Variants in GDA observed in about 807,000 individuals in gnomAD.
GDA encodes cytoplasmic PSD-95 interactor.
Under a neutral mutation model 59.6 loss-of-function variants are expected in GDA, and 18 were observed. The observed-to-expected ratio is 0.30, with a 90% CI of 0.21 to 0.45. The LOEUF is 0.45. Ranked by LOEUF, GDA falls within the 20% of genes least tolerant of loss-of-function variation. The pLI is 1.00. For missense variants in GDA, 427 were observed against 552.3 expected, an observed-to-expected ratio of 0.77 and a Z score of 2.27; for synonymous variants, 201 against 201.1, an observed-to-expected ratio of 1.00 and a Z score of 0.00.
chr9:72,226,523 A>G (rs1256650620), intron 8 of GDA, among the ~76,000 whole-genome samples: 1 of 152,194 alleles, frequency 6.6e-6, no homozygotes, highest in Non-Finnish European at 1.5e-5. Flanking sequence ...TTACTCCTAT[A>G]ATTAAAATTA....
upstream of GDA, among the ~76,000 whole-genome samples, chr9:72,148,252 G>A (rs1007029476): frequency 2.6e-5 from 4 of 151,746 alleles, no homozygotes; most frequent in African/African-American, 9.7e-5. Context: ...CACCGGCATT[G>A]TTCTAGGCAT....
At chr9:72,218,413 A>G (rs1363167010) in intron 5 of GDA, among the ~76,000 whole-genome samples, 1 of 152,184 alleles carries the variant, frequency 6.6e-6, no homozygotes, top group East Asian at 1.9e-4. Flanking sequence ...AGAGAGGAGG[A>G]AGTACCCGCC....
intron 4 of GDA, among the ~76,000 whole-genome samples, 186 bp from the exon 5 acceptor site, chr9:72,213,700 G>A (rs1242003191): frequency 6.6e-6 from 1 of 151,872 alleles, no homozygotes; most frequent in Non-Finnish European, 1.5e-5. Context: ...CTACTCGGGA[G>A]GCTGAGGCAG....
At chr9:72,198,845 G>GTATATATATATATATATA (rs1833544642) in intron 2 of GDA, among the ~76,000 whole-genome samples, 8 of 83,972 alleles carry the variant, frequency 9.5e-5, no homozygotes, top group Non-Finnish European at 1.7e-4. Flanking sequence ...ATATATAGGG[G>GTATATATATATATATATA]GATATATATA....
Position 72,250,011 on chromosome 9 carries a change from G to A in GDA, c.*1669G>A. ...TTTTATTTTTTTAATAAACAACAGAGTTTGTTTTGTGAGATAAGTATCTTA... is the reference window on the plus strand; with the variant it reads ...TTTTATTTTTTTAATAAACAACAGAATTTGTTTTGTGAGATAAGTATCTTA... On this transcript the variant is annotated 3_prime_UTR_variant, in exon 14 of 14. Coordinates refer to ENST00000358399, the MANE Select transcript of GDA (RefSeq NM_004293.5). 1.0e-6 allele frequency: 1 copy of A among 955,486 alleles called. No individual in the cohort carries two copies. The highest frequency in any genetic ancestry group is 1.2e-6 in the Non-Finnish European group (1 of 802,720). 59.2% of individuals were successfully genotyped at this position (955,486 alleles called of 1,614,324 possible).
intron 2 of GDA, 115 bp from the exon 3 acceptor site, chr9:72,202,456 C>G: frequency 1.5e-6 from 1 of 670,850 alleles, no homozygotes; most frequent in Non-Finnish European, 2.6e-6. Flanking sequence ...ATTGCATTAC[C>G]TATAAACCTG....
chr9:72,173,299 C>T (rs1014091383), intron 1 of GDA, among the ~76,000 whole-genome samples: 1 of 151,938 alleles, frequency 6.6e-6, no homozygotes, highest in African/African-American at 2.4e-5. Context: ...GATCACATTG[C>T]CTTCTTCTGG....
chr9:72,131,266 G>C (rs1181938290), intron 1 of GDA, among the ~76,000 whole-genome samples: 1 of 152,194 alleles, frequency 6.6e-6, no homozygotes, highest in African/African-American at 2.4e-5. Context: ...AAGTAGGTCT[G>C]CTATGCCAAA....
chr9:72,219,462 T>C lies in GDA; in HGVS notation c.579-17T>C, dbSNP rs745760890. The C allele has an allele frequency of 9.6e-6, 15 of 1,561,012 alleles. No homozygotes were observed. The highest frequency in any genetic ancestry group is 1.8e-5 in the Admixed American group (1 of 56,068). ...AAAATGCTCAAGTTTTCTAACCCAT[T>C]TGTTGCTTTATTTCAGATTTGTGTC... is the stretch of plus-strand genomic sequence containing the variant. On this transcript the variant is annotated splice_polypyrimidine_tract_variant and intron_variant, in intron 5 of 13. Transcript: ENST00000358399.
chr9:72,181,466 A>G (rs1486864716), intron 1 of GDA, among the ~76,000 whole-genome samples: 1 of 152,114 alleles, frequency 6.6e-6, no homozygotes, highest in East Asian at 1.9e-4. Context: ...CTGGGATTAC[A>G]AGCGCCCGCC....
chr9:72,229,801 C>T (rs971682442), intron 9 of GDA, among the ~76,000 whole-genome samples: 21 of 152,086 alleles, frequency 1.4e-4, no homozygotes, highest in Non-Finnish European at 2.5e-4. Flanking sequence ...TGCTGAGAGC[C>T]ACAGTGACAT....
chr9:72,147,965 C>G (rs1826738250), upstream of GDA, among the ~76,000 whole-genome samples: 3 of 152,220 alleles, frequency 2.0e-5, no homozygotes, highest in African/African-American at 7.2e-5. Context: ...TCCTGAACGG[C>G]CTTTCAGTGC....
chr9:72,211,002 A>G (rs1230841934), intron 4 of GDA, among the ~76,000 whole-genome samples: 2 of 152,142 alleles, frequency 1.3e-5, no homozygotes, highest in African/African-American at 4.8e-5. Flanking sequence ...TCTATTTTCT[A>G]AGTACTCTGA....
chr9:72,119,803 C>T (rs1322055939), intron 1 of GDA, among the ~76,000 whole-genome samples: 1 of 152,016 alleles, frequency 6.6e-6, no homozygotes, highest in Non-Finnish European at 1.5e-5. Flanking sequence ...CTTTATCAAA[C>T]AAAGTAAGCA....
At chr9:72,257,488 A>T (rs1275619345), downstream of GDA, 1 of 152,194 alleles carries the variant, frequency 6.6e-6, no homozygotes, top group Non-Finnish European at 1.5e-5. Context: ...TTGTTCCTTC[A>T]TTAGGCATGT....
intron 1 of GDA, among the ~76,000 whole-genome samples, chr9:72,150,146 A>C (rs1273495731): frequency 6.6e-6 from 1 of 152,212 alleles, no homozygotes; most frequent in East Asian, 1.9e-4. Flanking sequence ...GATGTTGTTT[A>C]GCGTGTCCAG....
chr9:72,189,695 G>T (rs1045036564), intron 1 of GDA, among the ~76,000 whole-genome samples: 1 of 152,070 alleles, frequency 6.6e-6, no homozygotes, highest in South Asian at 2.1e-4. Context: ...ACAAAAGTTA[G>T]CCAGGCGTGG....
At chr9:72,234,061 G>T (rs1268312378) in intron 10 of GDA, among the ~76,000 whole-genome samples, 2 of 152,100 alleles carry the variant, frequency 1.3e-5, no homozygotes, top group Admixed American at 1.3e-4. Flanking sequence ...AGCAAGTTGA[G>T]GTATATTCAT....
intron 1 of GDA, among the ~76,000 whole-genome samples, chr9:72,195,298 A>G (rs1270114823): frequency 6.6e-6 from 1 of 150,546 alleles, no homozygotes; most frequent in African/African-American, 2.4e-5. Flanking sequence ...GAGGAATCAC[A>G]CACAGCTTGT....
Sources: gnomAD v4.1 joint callset for allele counts (sites outside exome capture counted in the v4.1 genomes callset) on GRCh38, gnomAD v4.1.1 for gene constraint, MANE v1.5 for transcripts, NCBI Gene and HGNC (gene_info 2026-07-23, HGNC 2026-07-21) for gene names.